TENM2: variants seen among roughly 807,000 people sequenced by gnomAD.
The protein encoded by TENM2 is teneurin-2.
In TENM2, 52 loss-of-function variants were observed where a neutral mutation model predicts 245.2. The ratio of observed to expected loss-of-function variants is 0.21; its 90% CI spans 0.17 to 0.27. The LOEUF (loss-of-function observed/expected upper bound fraction) is 0.27, where lower values mean the gene tolerates loss of function less well. TENM2 is among the 10% of genes least tolerant of loss of function. TENM2 has a pLI of 1.00. For missense variants in TENM2, 3,046 were observed against 3,666.8 expected (o/e 0.83, Z 4.37); for synonymous variants, 1,363 against 1,438.9 (o/e 0.95, Z 1.19).
intron 2 of TENM2, among the ~76,000 whole-genome samples, chr5:167,569,171 G>T (rs1372953872): frequency 5.0e-5 from 6 of 120,576 alleles, no homozygotes; most frequent in Admixed American, 2.1e-4. Context: ...TGTAATGTTT[G>T]TCTTTTATAT....
chr5:168,039,186 A>T (rs1787965034), intron 5 of TENM2, among the ~76,000 whole-genome samples: 1 of 152,148 alleles, frequency 6.6e-6, no homozygotes, highest in Non-Finnish European at 1.5e-5. Flanking sequence ...TATCCTCTAA[A>T]ACATTCATAA....
chr5:168,262,717 A>G (rs1248579589), exon 29 of TENM2: 1 of 1,611,466 alleles, frequency 6.2e-7, no homozygotes, highest in Non-Finnish European at 8.5e-7. Context: ...GGTACGAGGG[A>G]TATTACGTGC....
At chr5:167,081,935 C>G in the TENM2 span, among the ~76,000 whole-genome samples, 1 of 152,158 alleles carries the variant, frequency 6.6e-6, no homozygotes, top group Non-Finnish European at 1.5e-5. Context: ...GTTAAAGTGA[C>G]TTGCCCAGGG....
In TENM2 at chr5:167,662,390, G is replaced by A. The variant is rs185660474; in HGVS notation, c.503-213596G>A. Among the ~76,000 whole-genome samples the A allele has an allele frequency of 1.4e-4, 21 of 152,198 alleles. 1 individual carries two copies. The East Asian group carries it at 1.9e-3, about 14-fold the overall frequency. ...TCATTTTAATTACTGATAACACCCC[G>A]TTTTACTCTCAAAAGTGGCGTGGTT... On this transcript the variant is annotated intron_variant, in intron 2 of 28. Transcript: ENST00000518659.
intron 23 of TENM2, among the ~76,000 whole-genome samples, chr5:168,219,725 G>C (rs1487745647): frequency 6.7e-6 from 1 of 148,816 alleles, no homozygotes. Context: ...GGTGATGAAG[G>C]AGTGTGTTAA....
intron 13 of TENM2, among the ~76,000 whole-genome samples, chr5:168,183,618 G>T (rs1336284024): frequency 8.6e-5 from 13 of 152,038 alleles, no homozygotes; most frequent in Admixed American, 7.2e-4. Flanking sequence ...CGAACAACCA[G>T]ATTTCATCTT....
chr5:167,118,853 G>A, the TENM2 span, among the ~76,000 whole-genome samples: 1 of 152,134 alleles, frequency 6.6e-6, no homozygotes, highest in South Asian at 2.1e-4. Context: ...TCCATCCCCT[G>A]TTTATTCTTA....
chr5:167,071,320 A>G, the TENM2 span, among the ~76,000 whole-genome samples: 65,940 of 151,948 alleles, frequency 0.43, 14,950 homozygotes, highest in African/African-American at 0.52. Flanking sequence ...GAGTAAACAG[A>G]CTTGATTATA....
the TENM2 span, among the ~76,000 whole-genome samples, chr5:167,199,401 GT>G: frequency 6.6e-6 from 1 of 152,058 alleles, no homozygotes; most frequent in East Asian, 1.9e-4. Flanking sequence ...CAAATTTGCG[GT>G]CAACTTCTTG....
intron 3 of TENM2, among the ~76,000 whole-genome samples, chr5:167,929,456 C>T (rs1473768256): frequency 6.6e-6 from 1 of 152,124 alleles, no homozygotes; most frequent in Non-Finnish European, 1.5e-5. Flanking sequence ...TTCCAGAATA[C>T]CCTGCACATT....
intron 2 of TENM2, among the ~76,000 whole-genome samples, chr5:167,504,027 G>A (rs866912304): frequency 1.3e-5 from 2 of 152,162 alleles, no homozygotes; most frequent in South Asian, 2.1e-4. Context: ...TTGGTTTACC[G>A]CTTGGATTCA....
chr5:167,726,782 G>A (rs1436596741), intron 2 of TENM2, among the ~76,000 whole-genome samples: 1 of 152,128 alleles, frequency 6.6e-6, no homozygotes, highest in East Asian at 1.9e-4. Context: ...CTTAGCAGGA[G>A]CATTCCAAAC....
intron 2 of TENM2, among the ~76,000 whole-genome samples, chr5:167,435,975 C>CTTTTTTTTTTTTTT (rs71591181): frequency 4.8e-5 from 4 of 83,170 alleles, no homozygotes; most frequent in African/African-American, 5.2e-5. Context: ...CTTTTTTTTT[C>CTTTTTTTTTTTTTT]TTTTTTTTTT....
chr5:168,217,867 A>G (rs966236387), intron 22 of TENM2, among the ~76,000 whole-genome samples: 8 of 152,204 alleles, frequency 5.3e-5, no homozygotes, highest in African/African-American at 1.9e-4. Flanking sequence ...GAGAAGCAGC[A>G]TCATAGGTAG....
chr5:167,497,820 G>A (rs191141801), intron 2 of TENM2, among the ~76,000 whole-genome samples: 2 of 151,910 alleles, frequency 1.3e-5, no homozygotes, highest in African/African-American at 2.4e-5. Flanking sequence ...AAATGTTTCC[G>A]AATGCCGGTT....
intron 2 of TENM2, among the ~76,000 whole-genome samples, chr5:167,469,453 C>A (rs1488457730): frequency 3.9e-5 from 6 of 152,024 alleles, no homozygotes; most frequent in Admixed American, 1.3e-4. Context: ...GGCTTAAATG[C>A]AATATGTTAG....
At chr5:167,341,451 A>T (rs1758091978) in intron 1 of TENM2, among the ~76,000 whole-genome samples, 1 of 152,068 alleles carries the variant, frequency 6.6e-6, no homozygotes, top group Admixed American at 6.5e-5. Context: ...TTGGCAAAGG[A>T]CAAATTTTAC....
intron 13 of TENM2, among the ~76,000 whole-genome samples, chr5:168,175,217 A>T (rs1417040325): frequency 6.6e-6 from 1 of 152,226 alleles, no homozygotes; most frequent in Non-Finnish European, 1.5e-5. Context: ...CAGCAACTTA[A>T]TGCCCCTTTA....
chr5:167,104,918 T>A, the TENM2 span, among the ~76,000 whole-genome samples: 1 of 152,236 alleles, frequency 6.6e-6, no homozygotes, highest in East Asian at 1.9e-4. Flanking sequence ...GAATATGTGA[T>A]GAAATATGTT....
Sources: gnomAD v4.1 joint callset for allele counts (sites outside exome capture counted in the v4.1 genomes callset) on GRCh38, gnomAD v4.1.1 for gene constraint, MANE v1.5 for transcripts, NCBI Gene and HGNC (gene_info 2026-07-23, HGNC 2026-07-21) for gene names.